Variants in NPTXR observed in about 807,000 individuals in gnomAD.
NPTXR encodes the protein neuronal pentraxin receptor.
Under a neutral mutation model 32.2 loss-of-function variants are expected in NPTXR, and 12 were observed. That is an observed-to-expected ratio of 0.37 (90% CI 0.24 to 0.60). The LOEUF is 0.60. NPTXR is among the 20% of genes least tolerant of loss of function. The pLI, the probability that NPTXR is intolerant of heterozygous loss-of-function variation, is 0.66. For missense variants in NPTXR, 612 were observed against 682.9 expected (o/e 0.90, Z 1.16); for synonymous variants, 323 against 315.8 (o/e 1.02, Z -0.24).
intron 1 of NPTXR, among the ~76,000 whole-genome samples, chr22:38,838,771 C>T (rs202203936): frequency 5.9e-5 from 9 of 151,986 alleles, no homozygotes; most frequent in South Asian, 2.1e-4. Context: ...TTAGTAGAGA[C>T]GGGGTTTCAC....
At position 38,843,609 on chromosome 22, in the gene NPTXR, G is replaced by C; in HGVS notation, c.250C>G (p.Pro84Ala). The C allele has an allele frequency of 8.5e-7, 1 of 1,170,124 alleles. No homozygotes were observed. Among genetic ancestry groups the C allele is most frequent in the Non-Finnish European group, 1.1e-6 (1 of 949,214 alleles). 72.5% of individuals were successfully genotyped at this position (1,170,124 alleles called of 1,614,324 possible). The stretch of plus-strand genomic sequence containing the variant: ...CTGAACAGGGGCCCGGGCGGCAGCG[G>C]GTGCGCGCTGGCCGCGGGTGCCCCG... The change falls in exon 1 of 5, where the codon CCG (proline) becomes GCG (alanine). Residue 84 changes from proline to alanine, a missense_variant. Coordinates refer to ENST00000333039, the MANE Select transcript of NPTXR (RefSeq NM_014293.4). This position sits in a 1 kb window ranked among gnomAD's most constrained non-coding sequence, Gnocchi z 5.3.
chr22:38,827,219 T>G (rs1177531780), intron 2 of NPTXR, among the ~76,000 whole-genome samples: 1 of 152,044 alleles, frequency 6.6e-6, no homozygotes, highest in East Asian at 1.9e-4. Flanking sequence ...AGGAAGCAGC[T>G]TGGATATTCT....
rs1225883262 is a variant in NPTXR at position 38,843,690 on chromosome 22, G to A, written c.169C>T (p.Arg57Trp). Residue 57 changes from arginine (R) to tryptophan (W), a missense_variant, in exon 1 of 5, where the codon CGG (arginine) becomes TGG (tryptophan). Transcript: ENST00000333039. The surrounding 1 kb of genome is among the most constrained non-coding windows in gnomAD (Gnocchi z 5.3). ...GCGCCGTGCAGCGCGCTCAGGCTCC[G>A]CTGCGGGCCCGGGGACGCGGCGGCG... 100 of 1,002,740 alleles carry A rather than the reference G, an allele frequency of 1.0e-4. No individual in the cohort carries two copies. The highest frequency in any genetic ancestry group is 1.1e-4 in the Non-Finnish European group (90 of 843,448). 62.1% of individuals were successfully genotyped at this position (1,002,740 alleles called of 1,614,324 possible). A position where few individuals can be genotyped will look rare whatever the true frequency, so the allele number is the denominator to read the frequency against.
rs1244429569 is a variant in NPTXR at position 38,826,657 on chromosome 22, G to A, written c.941C>T (p.Pro314Leu). ...GCAGGCGGTGAATGCGTAGAGCTCG[G>A]GCAGAGCCTTCCGCACGCGGGCGTA... Residue 314 changes from proline to leucine, a missense_variant, in exon 3 of 5, where the codon CCC becomes CTC. Physicochemically the swap from Pro to Leu is moderately conservative, Grantham distance 98. Coordinates refer to ENST00000333039, the MANE Select transcript of NPTXR (RefSeq NM_014293.4). 1 of 1,614,126 alleles carries A rather than the reference G, an allele frequency of 6.2e-7. No homozygotes were observed. Among genetic ancestry groups the A allele is most frequent in the Admixed American group, 1.7e-5 (1 of 60,010 alleles).
rs113896615 is a variant in NPTXR at position 38,820,306 on chromosome 22, C to A, written c.*2303G>T. The A allele has an allele frequency of 6.6e-6, 1 of 152,582 alleles. No homozygotes were observed. Among genetic ancestry groups the A allele is most frequent in the African/African-American group, 2.4e-5 (1 of 41,422 alleles). 9.5% of individuals were successfully genotyped at this position (152,582 alleles called of 1,614,324 possible). A position where few individuals can be genotyped will look rare whatever the true frequency, so the allele number is the denominator to read the frequency against. On this transcript the variant is annotated 3_prime_UTR_variant, in exon 5 of 5. Coordinates refer to ENST00000333039, the MANE Select transcript of NPTXR (RefSeq NM_014293.4). ...GGGCTGGGCAATCTATTTATGTTCT[C>A]GAAATGGAAAGCAGGATCTGGGCGC... is the stretch of plus-strand genomic sequence containing the variant.
Position 38,826,484 on chromosome 22 carries a change from T to C in NPTXR, c.1098+16A>G. ...TGGCCCTCCCCCAGCCAGCCCTCCC[T>C]GCCAGCCCTGCCTACCTTGTCGTTG... On this transcript the variant is annotated intron_variant, in intron 3 of 4. Transcript: ENST00000333039. 1 of 1,590,808 alleles carries C rather than the reference T, an allele frequency of 6.3e-7. No individual in the cohort carries two copies. The highest frequency in any genetic ancestry group is 8.6e-7 in the Non-Finnish European group (1 of 1,165,418).
At chr22:38,836,166 G>C (rs933957262) in intron 1 of NPTXR, among the ~76,000 whole-genome samples, 1 of 152,024 alleles carries the variant, frequency 6.6e-6, no homozygotes, top group African/African-American at 2.4e-5. Flanking sequence ...GTTTACACGC[G>C]GGCGGGCTTG....
chr22:38,843,682 C>A lies in NPTXR; in HGVS notation c.177G>T (p.Leu59=). Residue 59 remains leucine, a synonymous_variant, in exon 1 of 5, where the codon CTG becomes CTT. Transcript: ENST00000333039. This position sits in a 1 kb window ranked among gnomAD's most constrained non-coding sequence, Gnocchi z 5.3. ...AACCGCCCGCGCCGTGCAGCGCGCT[C>A]AGGCTCCGCTGCGGGCCCGGGGACG... The A allele has an allele frequency of 9.9e-7, 1 of 1,009,346 alleles. No individual in the cohort carries two copies. The highest frequency in any genetic ancestry group is 4.5e-5 in the South Asian group (1 of 22,226). The allele number at this position is 1,009,346 out of a possible 1,614,324, so 62.5% of individuals were successfully genotyped here. A position where few individuals can be genotyped will look rare whatever the true frequency, so the allele number is the denominator to read the frequency against.
At chr22:38,831,102 T>C (rs1165818989) in intron 1 of NPTXR, among the ~76,000 whole-genome samples, 1 of 152,192 alleles carries the variant, frequency 6.6e-6, no homozygotes, top group East Asian at 1.9e-4. Context: ...CACAAAGCCT[T>C]GGTTTCCCCT....
rs1480503747 is a variant in NPTXR, at chr22:38,843,913, C to A, written c.-55G>T. On this transcript the variant is annotated 5_prime_UTR_variant, in exon 1 of 5. Transcript: ENST00000333039. This position sits in a 1 kb window ranked among gnomAD's most constrained non-coding sequence, Gnocchi z 5.3. ...CCCCCGGCAGGCGCGGCGGCGGGGT[C>A]GGGGCGCGGAGCCCGGGCGCGCTGG... is the stretch of plus-strand genomic sequence containing the variant. The A allele has an allele frequency of 2.8e-5, 27 of 953,432 alleles. No homozygotes were observed. In the South Asian group the frequency reaches 1.1e-3, roughly 39 times the overall value. 59.1% of individuals were successfully genotyped at this position (953,432 alleles called of 1,614,324 possible). A position where few individuals can be genotyped will look rare whatever the true frequency, so the allele number is the denominator to read the frequency against.
intron 1 of NPTXR, among the ~76,000 whole-genome samples, chr22:38,835,668 A>G (rs1359677235): frequency 6.6e-6 from 1 of 152,034 alleles, no homozygotes; most frequent in African/African-American, 2.4e-5. Context: ...CTGCCTGCCC[A>G]CACACCTTCC....
At chr22:38,831,174 G>A (rs2093115632) in intron 1 of NPTXR, among the ~76,000 whole-genome samples, 1 of 152,206 alleles carries the variant, frequency 6.6e-6, no homozygotes, top group Non-Finnish European at 1.5e-5. Flanking sequence ...CACTTTGGGA[G>A]GCCAAGACAG....
chr22:38,839,049 C>T (rs1267005563), intron 1 of NPTXR, among the ~76,000 whole-genome samples: 2 of 152,154 alleles, frequency 1.3e-5, no homozygotes, highest in Non-Finnish European at 2.9e-5. Flanking sequence ...ACCTCCCTCA[C>T]AGAGATTTTA....
intron 1 of NPTXR, among the ~76,000 whole-genome samples, chr22:38,841,128 G>A (rs969699951): frequency 1.3e-5 from 2 of 152,196 alleles, no homozygotes; most frequent in African/African-American, 4.8e-5. Flanking sequence ...ATGGGACTCC[G>A]CTGAGCCAAG....
Position 38,843,031 on chromosome 22 carries a change from C to G in NPTXR, c.624+204G>C, listed in dbSNP as rs925871268. On this transcript the variant is annotated intron_variant, in intron 1 of 4. Coordinates refer to ENST00000333039, the MANE Select transcript of NPTXR (RefSeq NM_014293.4). The surrounding 1 kb of genome is among the most constrained non-coding windows in gnomAD (Gnocchi z 5.3). ...GGAAAAGGGTGGGGAGCGAATCTTT[C>G]TGGCGCGCCCTCTGTGCCTCAGTCA... 1.3e-5 allele frequency among the ~76,000 whole-genome samples: 2 copies of G among 152,228 alleles called. No individual in the cohort carries two copies. The highest frequency in any genetic ancestry group is 2.4e-5 in the African/African-American group (1 of 41,462).
At chr22:38,824,544 C>T (rs962596626) in intron 3 of NPTXR, among the ~76,000 whole-genome samples, 2 of 152,180 alleles carry the variant, frequency 1.3e-5, no homozygotes, top group Non-Finnish European at 2.9e-5. Flanking sequence ...AATGGATCCA[C>T]CATTCCATTG....
At chr22:38,840,820 G>T (rs989615200) in intron 1 of NPTXR, among the ~76,000 whole-genome samples, 2 of 152,086 alleles carry the variant, frequency 1.3e-5, no homozygotes, top group African/African-American at 4.8e-5. Flanking sequence ...ATGCCTTAAA[G>T]GAGGAGGACC....
In NPTXR at chr22:38,819,115, G is replaced by T. The variant is rs1448475715; in HGVS notation, c.*3494C>A. 6.6e-6 allele frequency: 1 copy of T among 152,332 alleles called. No homozygotes were observed. Among genetic ancestry groups the T allele is most frequent in the East Asian group, 1.9e-4 (1 of 5,198 alleles). The allele number at this position is 152,332 out of a possible 1,614,324, so 9.4% of individuals were successfully genotyped here. A position where few individuals can be genotyped will look rare whatever the true frequency, so the allele number is the denominator to read the frequency against. ...GGATTGGTCCCCTTGGGATGTTGGTGGGGGCACCACATGCCACAAGATGGG... is the reference window on the plus strand; with the variant it reads ...GGATTGGTCCCCTTGGGATGTTGGTTGGGGCACCACATGCCACAAGATGGG... On this transcript the variant is annotated 3_prime_UTR_variant, in exon 5 of 5. Transcript: ENST00000333039.
Position 38,822,608 on chromosome 22 carries a change from C to G in NPTXR, c.*1G>C, listed in dbSNP as rs749292661. 3.2e-5 allele frequency: 51 copies of G among 1,605,188 alleles called. No individual in the cohort carries two copies. Among genetic ancestry groups the G allele is most frequent in the Non-Finnish European group, 1.9e-5 (22 of 1,176,784 alleles). On this transcript the variant is annotated 3_prime_UTR_variant, in exon 5 of 5. Transcript: ENST00000333039. ...GGAGGGGCCCTGGATGAGGTGGCCCCTCATGCCTTGGCCCTCCCCTTGCAG... is the reference window on the plus strand; with the variant it reads ...GGAGGGGCCCTGGATGAGGTGGCCCGTCATGCCTTGGCCCTCCCCTTGCAG...
Sources: gnomAD v4.1 joint callset for allele counts (sites outside exome capture counted in the v4.1 genomes callset) on GRCh38, gnomAD v4.1.1 for gene constraint, Gnocchi (gnomAD v3.1) non-coding constraint, MANE v1.5 for transcripts, NCBI Gene and HGNC (gene_info 2026-07-23, HGNC 2026-07-21) for gene names.